Variants in BBS9 observed in about 807,000 individuals in gnomAD.
BBS9 encodes the protein protein PTHB1.
BBS9 carries 89 observed loss-of-function variants against 117.7 expected under a neutral mutation model. The ratio of observed to expected loss-of-function variants is 0.76; its 90% CI spans 0.64 to 0.90. BBS9 has a LOEUF of 0.90. Among genes scored for constraint, BBS9 ranks in the 40% least tolerant of loss-of-function variants. The probability of loss-of-function intolerance (pLI) is 0.00; values close to 1 mark genes in which losing one functional copy is unlikely to be tolerated. For synonymous variants in BBS9, 379 were observed against 370.9 expected, an observed-to-expected ratio of 1.02 and a Z score of -0.25; for missense variants, 982 against 1,042.2, an observed-to-expected ratio of 0.94 and a Z score of 0.80.
chr7:33,352,993 C>A, intron 15 of BBS9, 120 bp downstream of exon 15: 2 of 1,034,890 alleles, frequency 1.9e-6, no homozygotes, highest in South Asian at 1.4e-5. Context: ...AGAAGAAGTT[C>A]TTTAGGATGA....
intron 9 of BBS9, among the ~76,000 whole-genome samples, chr7:33,334,047 CA>C (rs1814743689): frequency 6.6e-6 from 1 of 152,144 alleles, no homozygotes. Flanking sequence ...ACCACTTGAA[CA>C]CGTGAAATAC....
chr7:33,319,162 C>CA (rs766634541), intron 9 of BBS9, among the ~76,000 whole-genome samples: 39,031 of 126,854 alleles, frequency 0.31, 5,684 homozygotes, highest in Non-Finnish European at 0.37. Flanking sequence ...GACTCTATGT[C>CA]AAAAAAAAAA....
intron 19 of BBS9, among the ~76,000 whole-genome samples, chr7:33,486,789 A>G (rs1426963742): frequency 6.6e-6 from 1 of 152,126 alleles, no homozygotes; most frequent in African/African-American, 2.4e-5. Context: ...TTTAGAGGTG[A>G]CCCTGGTAGC....
chr7:33,164,862 C>CCTGTCATTAT (rs1795415946), intron 4 of BBS9, among the ~76,000 whole-genome samples: 1 of 152,102 alleles, frequency 6.6e-6, no homozygotes, highest in Non-Finnish European at 1.5e-5. Context: ...TGAATTTGAT[C>CCTGTCATTAT]CTGTCATTAT....
chr7:33,372,916 G>C (rs12670765), intron 17 of BBS9, among the ~76,000 whole-genome samples: 7,269 of 152,086 alleles, frequency 0.048, 222 homozygotes, highest in East Asian at 0.14. Context: ...ATCATTTCTT[G>C]TAAGTTATCC....
At chr7:33,393,149 G>A (rs916165752) in intron 19 of BBS9, among the ~76,000 whole-genome samples, 2 of 152,068 alleles carry the variant, frequency 1.3e-5, no homozygotes, top group Non-Finnish European at 2.9e-5. Flanking sequence ...CTGGGCAACA[G>A]TGTGAGACCC....
At chr7:33,182,078 C>G (rs1404931120) in intron 5 of BBS9, among the ~76,000 whole-genome samples, 2 of 151,348 alleles carry the variant, frequency 1.3e-5, no homozygotes, top group African/African-American at 4.8e-5. Flanking sequence ...CAGAGCGAGA[C>G]TCCGTCTCAA....
At chr7:33,499,568 T>C (rs1000616404) in intron 19 of BBS9, among the ~76,000 whole-genome samples, 9 of 152,200 alleles carry the variant, frequency 5.9e-5, no homozygotes, top group South Asian at 2.1e-4. Context: ...AAACCTGCAA[T>C]TGGGGAGCTC....
At chr7:33,567,739 A>T (rs1857139276) in intron 21 of BBS9, among the ~76,000 whole-genome samples, 1 of 152,180 alleles carries the variant, frequency 6.6e-6, no homozygotes, top group Non-Finnish European at 1.5e-5. Flanking sequence ...CTTAAATGTG[A>T]CAGAAGTACC....
At chr7:33,321,516 C>T (rs1470862006) in intron 9 of BBS9, among the ~76,000 whole-genome samples, 1 of 151,410 alleles carries the variant, frequency 6.6e-6, no homozygotes, top group East Asian at 1.9e-4. Context: ...TTCTTGGTGT[C>T]TTTTTCAGAT....
chr7:33,187,027 G>C (rs1458930952), intron 5 of BBS9, among the ~76,000 whole-genome samples: 2 of 152,100 alleles, frequency 1.3e-5, no homozygotes, highest in East Asian at 3.9e-4. Flanking sequence ...AGAACAAAAT[G>C]ATATTTTTGC....
intron 9 of BBS9, among the ~76,000 whole-genome samples, chr7:33,313,418 C>T (rs942830642): frequency 2.0e-5 from 3 of 152,120 alleles, no homozygotes; most frequent in Non-Finnish European, 4.4e-5. Flanking sequence ...GAAATAGGCA[C>T]GTCTGAAAGT....
intron 2 of BBS9, among the ~76,000 whole-genome samples, chr7:33,147,217 C>T (rs1472302296): frequency 2.0e-5 from 3 of 151,934 alleles, no homozygotes; most frequent in Non-Finnish European, 4.4e-5. Context: ...ATTATTGTAT[C>T]ATTGCTATTT....
At chr7:33,323,446 A>T (rs772889798) in intron 9 of BBS9, among the ~76,000 whole-genome samples, 1 of 152,022 alleles carries the variant, frequency 6.6e-6, no homozygotes, top group African/African-American at 2.4e-5. Context: ...TACAATTTTT[A>T]TATCTTCTGG....
In BBS9 at chr7:33,305,240, C is replaced by T. The variant is rs1807641198; in HGVS notation, c.1017-31201C>T. On this transcript the variant is annotated intron_variant, in intron 9 of 22. Transcript: ENST00000242067. ...TGCTTATGTTGAACCATGCTTGCAT[C>T]CCTAGGATAAATCCCACTTGGTCCT... is the stretch of plus-strand genomic sequence containing the variant. 3.3e-5 allele frequency among the ~76,000 whole-genome samples: 5 copies of T among 151,896 alleles called. No individual in the cohort carries two copies. In the South Asian group the frequency reaches 1.0e-3, roughly 32 times the overall value.
chr7:33,438,528 C>T (rs1457167587), intron 19 of BBS9, among the ~76,000 whole-genome samples: 2 of 151,950 alleles, frequency 1.3e-5, no homozygotes, highest in Non-Finnish European at 2.9e-5. Flanking sequence ...TGTAAGCTGC[C>T]AAAAGACATT....
At chr7:33,204,650 C>T (rs1471374887) in intron 5 of BBS9, among the ~76,000 whole-genome samples, 1 of 152,070 alleles carries the variant, frequency 6.6e-6, no homozygotes, top group Non-Finnish European at 1.5e-5. Context: ...ACAGATGAGA[C>T]ACGAAGTCCA....
At chr7:33,511,336 A>G (rs556875206) in intron 20 of BBS9, among the ~76,000 whole-genome samples, 5 of 152,072 alleles carry the variant, frequency 3.3e-5, no homozygotes, top group Non-Finnish European at 7.4e-5. Context: ...TATTTCCAAA[A>G]CTGCCTGTAT....
In BBS9 at chr7:33,129,602, G is replaced by C. The variant is rs747910424; in HGVS notation, c.-451G>C. 12 of 153,802 alleles carry C rather than the reference G, an allele frequency of 7.8e-5. No individual in the cohort carries two copies. Among genetic ancestry groups the C allele is most frequent in the Non-Finnish European group, 1.4e-4 (10 of 69,188 alleles). The allele number at this position is 153,802 out of a possible 1,614,324, so 9.5% of individuals were successfully genotyped here. A position where few individuals can be genotyped will look rare whatever the true frequency, so the allele number is the denominator to read the frequency against. On this transcript the variant is annotated 5_prime_UTR_variant, in exon 1 of 23. Coordinates refer to ENST00000242067, the MANE Select transcript of BBS9 (RefSeq NM_198428.3). ...AGATGGCTCAGAGTTAGGCTGGAGA[G>C]GGGAGGTGTCCCTTCCGCTGCGGCC...
Sources: allele counts gnomAD v4.1 joint callset (sites outside exome capture counted in the v4.1 genomes callset), GRCh38; gene constraint gnomAD v4.1.1; transcripts MANE v1.5; gene names NCBI Gene and HGNC (gene_info 2026-07-23, HGNC 2026-07-21).